Variants in CNTNAP5 observed in about 807,000 individuals in gnomAD.
CNTNAP5 encodes contactin associated protein family member 5, also known as contactin-associated protein-like 5.
Under a neutral mutation model 150.2 loss-of-function variants are expected in CNTNAP5, and 72 were observed. That is an observed-to-expected ratio of 0.48 (90% confidence interval 0.40 to 0.58). The LOEUF (loss-of-function observed/expected upper bound fraction) is 0.58. Ranked by LOEUF, CNTNAP5 falls within the 20% of genes least tolerant of loss-of-function variation. The pLI, the probability that CNTNAP5 is intolerant of heterozygous loss-of-function variation, is 0.00. For missense variants in CNTNAP5, 1,636 were observed against 1,626.2 expected, an observed-to-expected ratio of 1.01 and a Z score of -0.10; for synonymous variants, 672 against 619.8, an observed-to-expected ratio of 1.08 and a Z score of -1.25.
rs143967618 is a variant in CNTNAP5, at chr2:124,528,104, T to C, written c.1649+648T>C. Among the ~76,000 whole-genome samples, 44 of 152,304 alleles carry C rather than the reference T, an allele frequency of 2.9e-4. 1 individual carries two copies. In the East Asian group the frequency reaches 8.1e-3, roughly 28 times the overall value. On this transcript the variant is annotated intron_variant, in intron 10 of 23. Coordinates refer to ENST00000682447, the MANE Select transcript of CNTNAP5 (RefSeq NM_001367498.1). ...TGCATCAAGGTTTACCATGTTCTTC[T>C]TCTTTCCTCTCCAGAGCCTACCTCC...
intron 8 of CNTNAP5, among the ~76,000 whole-genome samples, chr2:124,517,984 G>T (rs1694767000): frequency 6.6e-6 from 1 of 151,802 alleles, no homozygotes; most frequent in Non-Finnish European, 1.5e-5. Flanking sequence ...GGAGGGTTGT[G>T]ATGGTGATGG....
chr2:124,345,275 T>A (rs753699624), intron 3 of CNTNAP5, among the ~76,000 whole-genome samples: 5 of 152,192 alleles, frequency 3.3e-5, no homozygotes, highest in Non-Finnish European at 5.9e-5. Context: ...TCTAACTATA[T>A]CAGAATATTC....
At chr2:124,783,659 C>T (rs1363135904) in intron 17 of CNTNAP5, among the ~76,000 whole-genome samples, 1 of 152,066 alleles carries the variant, frequency 6.6e-6, no homozygotes, top group Non-Finnish European at 1.5e-5. Flanking sequence ...TTTCCAGTTT[C>T]CTGAGGGGGT....
At chr2:124,676,877 T>G (rs1388325066) in intron 13 of CNTNAP5, among the ~76,000 whole-genome samples, 1 of 152,236 alleles carries the variant, frequency 6.6e-6, no homozygotes, top group Non-Finnish European at 1.5e-5. Context: ...TTTGACAATT[T>G]TGAATAGTGC....
intron 3 of CNTNAP5, among the ~76,000 whole-genome samples, chr2:124,324,022 A>C (rs956142297): frequency 1.3e-5 from 2 of 152,164 alleles, no homozygotes; most frequent in African/African-American, 4.8e-5. Context: ...AGCATTACGA[A>C]AAAAAGAGCC....
chr2:124,345,012 A>C, intron 3 of CNTNAP5, among the ~76,000 whole-genome samples: 1 of 152,034 alleles, frequency 6.6e-6, no homozygotes, highest in East Asian at 1.9e-4. Context: ...TGCTTGTAAG[A>C]CCTTTTAATT....
At chr2:124,531,868 G>A (rs1695117989) in intron 10 of CNTNAP5, among the ~76,000 whole-genome samples, 1 of 152,200 alleles carries the variant, frequency 6.6e-6, no homozygotes. Flanking sequence ...TTTGGGCCGA[G>A]CTTGCTTGAG....
intron 3 of CNTNAP5, among the ~76,000 whole-genome samples, chr2:124,331,652 C>A (rs1265812904): frequency 6.6e-6 from 1 of 151,656 alleles, no homozygotes; most frequent in African/African-American, 2.4e-5. Flanking sequence ...AAATAATAGT[C>A]ATTCATTCCA....
At chr2:124,849,370 G>T (rs1229310844) in intron 19 of CNTNAP5, among the ~76,000 whole-genome samples, 1 of 151,722 alleles carries the variant, frequency 6.6e-6, no homozygotes, top group South Asian at 2.1e-4. Context: ...CTATTTTTTT[G>T]TTTTGTTTTG....
chr2:124,735,416 A>G (rs193087064), intron 13 of CNTNAP5, among the ~76,000 whole-genome samples: 221 of 145,520 alleles, frequency 1.5e-3, no homozygotes, highest in African/African-American at 5.1e-3. Context: ...TAGAACAATT[A>G]TTTCTACAAG....
chr2:124,097,146 C>A (rs529771292), intron 1 of CNTNAP5, among the ~76,000 whole-genome samples: 1 of 152,300 alleles, frequency 6.6e-6, no homozygotes, highest in South Asian at 2.1e-4. Context: ...ATTATCTCCT[C>A]AGATTCTCAC....
intron 10 of CNTNAP5, among the ~76,000 whole-genome samples, chr2:124,537,410 A>G (rs1156808022): frequency 6.6e-6 from 1 of 152,204 alleles, no homozygotes; most frequent in Non-Finnish European, 1.5e-5. Flanking sequence ...ACGGGTTATC[A>G]TCCCTATCCT....
chr2:124,103,587 A>G (rs567639028), intron 1 of CNTNAP5, among the ~76,000 whole-genome samples: 1 of 152,120 alleles, frequency 6.6e-6, no homozygotes, highest in Admixed American at 6.6e-5. Flanking sequence ...CCATTGTGTT[A>G]CAATTGACTA....
chr2:124,225,165 G>A (rs951897212), intron 2 of CNTNAP5, among the ~76,000 whole-genome samples: 8 of 152,056 alleles, frequency 5.3e-5, no homozygotes, highest in Admixed American at 1.3e-4. Context: ...GCCTGGCAGC[G>A]CACAACTAAA....
intron 13 of CNTNAP5, among the ~76,000 whole-genome samples, chr2:124,733,927 G>A (rs1680328569): frequency 6.6e-6 from 1 of 152,036 alleles, no homozygotes; most frequent in Admixed American, 6.6e-5. Flanking sequence ...AGAGACTAGT[G>A]TTTGTTGAAT....
At chr2:124,773,937 TGTGTGTGTGTGAGA>T (rs1052643318) in intron 17 of CNTNAP5, among the ~76,000 whole-genome samples, 7 of 147,126 alleles carry the variant, frequency 4.8e-5, no homozygotes, top group African/African-American at 1.6e-4. Flanking sequence ...TGTGTGTGTG[TGTGTGTGTGTGAGA>T]GAGAGAGAGA....
Position 124,900,405 on chromosome 2 carries a change from C to T in CNTNAP5, c.3437-2477C>T, listed in dbSNP as rs866490075. Among the ~76,000 whole-genome samples the T allele has an allele frequency of 5.7e-4, 86 of 151,412 alleles. 3 individuals are homozygous for T. Among genetic ancestry groups the T allele is most frequent in the African/African-American group, 2.0e-3 (81 of 40,878 alleles). ...GTAAGAATCTGAGAAATCATGATCT[C>T]GAGCATCATGCAGAGCATATTTTCT... On this transcript the variant is annotated intron_variant, in intron 21 of 23. Transcript: ENST00000682447.
chr2:124,847,146 G>T (rs1044612392), intron 19 of CNTNAP5, among the ~76,000 whole-genome samples: 1 of 152,148 alleles, frequency 6.6e-6, no homozygotes, highest in Admixed American at 6.5e-5. Context: ...GAGTATTCAG[G>T]ATTTTCAGGT....
intron 3 of CNTNAP5, among the ~76,000 whole-genome samples, chr2:124,288,220 G>A (rs1688202201): frequency 6.6e-6 from 1 of 152,180 alleles, no homozygotes; most frequent in South Asian, 2.1e-4. Context: ...ATGAGCCACT[G>A]CACCTGGCCA....
Sources: allele counts gnomAD v4.1 joint callset (sites outside exome capture counted in the v4.1 genomes callset), GRCh38; gene constraint gnomAD v4.1.1; transcripts MANE v1.5; gene names NCBI Gene and HGNC (gene_info 2026-07-23, HGNC 2026-07-21).